Variants in GALNTL6 observed in about 807,000 individuals in gnomAD.
The protein encoded by GALNTL6 is polypeptide N-acetylgalactosaminyltransferase like 6.
A neutral mutation model predicts 73.7 loss-of-function variants in GALNTL6; 46 were observed. That is an observed-to-expected ratio of 0.62 (90% confidence interval 0.49 to 0.80). The LOEUF (loss-of-function observed/expected upper bound fraction) is 0.80, where lower values mean the gene tolerates loss of function less well. Ranked by LOEUF, GALNTL6 falls within the 30% of genes least tolerant of loss-of-function variation. The probability of loss-of-function intolerance (pLI) is 0.00; values close to 1 mark genes in which losing one functional copy is unlikely to be tolerated. For missense variants in GALNTL6, 604 were observed against 755.0 expected (o/e 0.80, Z 2.34); for synonymous variants, 259 against 263.7 (o/e 0.98, Z 0.17).
At chr4:172,865,717 A>T (rs1744629351) in intron 7 of GALNTL6, among the ~76,000 whole-genome samples, 1 of 151,770 alleles carries the variant, frequency 6.6e-6, no homozygotes, top group Admixed American at 6.6e-5. Context: ...CTGTCACGTG[A>T]TTTTGTCCTG....
chr4:173,022,082 G>GGAAA (rs1561091711), intron 12 of GALNTL6, among the ~76,000 whole-genome samples: 15 of 87,754 alleles, frequency 1.7e-4, no homozygotes, highest in African/African-American at 3.5e-4. Flanking sequence ...AAGGAAGGAA[G>GGAAA]GAAGGAAAGA....
At chr4:172,480,674 G>A (rs977577380) in intron 5 of GALNTL6, among the ~76,000 whole-genome samples, 1 of 152,178 alleles carries the variant, frequency 6.6e-6, no homozygotes, top group African/African-American at 2.4e-5. Flanking sequence ...TATTGTTCAT[G>A]AGTTTCTTGG....
chr4:172,063,844 G>A (rs369953835), intron 2 of GALNTL6, among the ~76,000 whole-genome samples: 1 of 151,974 alleles, frequency 6.6e-6, no homozygotes, highest in African/African-American at 2.4e-5. Context: ...AAATGCACAC[G>A]ATAATGTTCT....
At chr4:171,818,952 G>A (rs1734608346) in intron 2 of GALNTL6, among the ~76,000 whole-genome samples, 1 of 151,930 alleles carries the variant, frequency 6.6e-6, no homozygotes, top group African/African-American at 2.4e-5. Context: ...ATGAAAATAA[G>A]AAAATATCAG....
At chr4:172,061,879 T>C (rs532516991) in intron 2 of GALNTL6, among the ~76,000 whole-genome samples, 1 of 151,992 alleles carries the variant, frequency 6.6e-6, no homozygotes, top group Non-Finnish European at 1.5e-5. Flanking sequence ...AACATTGCAC[T>C]GTAAATGCTT....
At chr4:172,171,670 A>C in intron 2 of GALNTL6, among the ~76,000 whole-genome samples, 1 of 135,846 alleles carries the variant, frequency 7.4e-6, no homozygotes, top group African/African-American at 2.8e-5. Context: ...CTCTATCAAA[A>C]ATACAAAAAA....
At chr4:172,463,785 C>A (rs6815640) in intron 5 of GALNTL6, among the ~76,000 whole-genome samples, 135,700 of 152,260 alleles carry the variant, frequency 0.89, 60,549 homozygotes, top group African/African-American at 0.94. Context: ...GTACCCTTTT[C>A]ATATGCAAGC....
At chr4:172,971,870 C>T (rs1750598490) in intron 10 of GALNTL6, among the ~76,000 whole-genome samples, 1 of 152,082 alleles carries the variant, frequency 6.6e-6, no homozygotes, top group South Asian at 2.1e-4. Context: ...TGAGATCAAA[C>T]ATATAAATCC....
intron 2 of GALNTL6, among the ~76,000 whole-genome samples, chr4:172,218,888 T>C (rs1476033406): frequency 6.6e-6 from 1 of 151,938 alleles, no homozygotes; most frequent in Admixed American, 6.6e-5. Flanking sequence ...TGTATATTCA[T>C]GTACATTGAC....
chr4:172,646,933 A>C (rs1345575313), intron 5 of GALNTL6, among the ~76,000 whole-genome samples: 1 of 152,108 alleles, frequency 6.6e-6, no homozygotes, highest in Non-Finnish European at 1.5e-5. Flanking sequence ...ATCAGCATTT[A>C]CTCAAATTAA....
intron 2 of GALNTL6, among the ~76,000 whole-genome samples, chr4:171,926,551 G>A (rs896611584): frequency 1.3e-5 from 2 of 152,190 alleles, no homozygotes; most frequent in East Asian, 3.9e-4. Flanking sequence ...TAGGAATCCA[G>A]AACACATTCC....
chr4:172,824,275 G>C lies in GALNTL6; in HGVS notation c.923+10552G>C, dbSNP rs1053547034. ...GTCTCTAGTCCTGAATTACTCTCTA[G>C]TCCTGAATTACTCTGTTACTCTGCC... is the stretch of plus-strand genomic sequence containing the variant. On this transcript the variant is annotated intron_variant, in intron 7 of 12. Coordinates refer to ENST00000506823, the MANE Select transcript of GALNTL6 (RefSeq NM_001034845.3). Among the ~76,000 whole-genome samples, 3 of 152,048 alleles carry C rather than the reference G, an allele frequency of 2.0e-5. No individual in the cohort carries two copies. The East Asian group carries it at 5.8e-4, about 29-fold the overall frequency.
At chr4:172,202,362 T>G (rs147144283) in intron 2 of GALNTL6, among the ~76,000 whole-genome samples, 1 of 152,254 alleles carries the variant, frequency 6.6e-6, no homozygotes, top group African/African-American at 2.4e-5. Flanking sequence ...TTGTATTGGG[T>G]AAGTAAATAA....
At chr4:172,659,015 G>C (rs188609043) in intron 5 of GALNTL6, among the ~76,000 whole-genome samples, 1 of 152,122 alleles carries the variant, frequency 6.6e-6, no homozygotes, top group Non-Finnish European at 1.5e-5. Flanking sequence ...GTGCTACTTT[G>C]TGCCAGATCT....
At chr4:172,354,323 G>A (rs73868973) in intron 5 of GALNTL6, among the ~76,000 whole-genome samples, 3,724 of 152,132 alleles carry the variant, frequency 0.024, 155 homozygotes, top group African/African-American at 0.084. Context: ...ACCAAATACT[G>A]TTTAGTAGCA....
chr4:172,415,803 G>C (rs779990156), intron 5 of GALNTL6, among the ~76,000 whole-genome samples: 1 of 152,074 alleles, frequency 6.6e-6, no homozygotes, highest in African/African-American at 2.4e-5. Flanking sequence ...CGTGACCGGG[G>C]GCTGCCTGCA....
chr4:172,743,779 A>G (rs1346108395), intron 5 of GALNTL6, among the ~76,000 whole-genome samples: 2 of 152,160 alleles, frequency 1.3e-5, no homozygotes, highest in African/African-American at 4.8e-5. Context: ...ATATTTAAAA[A>G]GTATTTGCCA....
At chr4:171,952,369 TCTC>T (rs1242441259) in intron 2 of GALNTL6, among the ~76,000 whole-genome samples, 1 of 151,840 alleles carries the variant, frequency 6.6e-6, no homozygotes, top group Non-Finnish European at 1.5e-5. Flanking sequence ...AACAAGTACT[TCTC>T]CTTCTTATTC....
At chr4:172,133,803 G>A (rs1023049180) in intron 2 of GALNTL6, among the ~76,000 whole-genome samples, 1 of 152,156 alleles carries the variant, frequency 6.6e-6, no homozygotes, top group Non-Finnish European at 1.5e-5. Context: ...GCTATAAAAT[G>A]GCCATACACA....
Sources: gnomAD v4.1 joint callset for allele counts (sites outside exome capture counted in the v4.1 genomes callset) on GRCh38, gnomAD v4.1.1 for gene constraint, MANE v1.5 for transcripts, NCBI Gene and HGNC (gene_info 2026-07-23, HGNC 2026-07-21) for gene names.